TSPAN11: variants seen among roughly 807,000 people sequenced by gnomAD.
The protein encoded by TSPAN11 is tetraspanin 11, also known as tetraspanin-11.
TSPAN11 carries 29 observed loss-of-function variants against 32.9 expected under a neutral mutation model. That is an observed-to-expected ratio of 0.88 (90% CI 0.66 to 1.20). The LOEUF (loss-of-function observed/expected upper bound fraction) is 1.20, where lower values mean the gene tolerates loss of function less well. Ranked by LOEUF, TSPAN11 falls within the 50% of genes most tolerant of loss-of-function variation. The pLI, the probability that TSPAN11 is intolerant of heterozygous loss-of-function variation, is 0.00. For synonymous variants in TSPAN11, 140 were observed against 141.3 expected (o/e 0.99, Z 0.07); for missense variants, 283 against 329.1 (o/e 0.86, Z 1.08).
chr12:30,927,516 G>A (rs73093651), intron 1 of TSPAN11, among the ~76,000 whole-genome samples: 1 of 152,120 alleles, frequency 6.6e-6, no homozygotes, highest in Non-Finnish European at 1.5e-5. Flanking sequence ...TTGAGTCTAA[G>A]CTGCTGTGTG....
chr12:30,974,095 C>T (rs569230664), intron 3 of TSPAN11, among the ~76,000 whole-genome samples: 7 of 152,350 alleles, frequency 4.6e-5, no homozygotes, highest in African/African-American at 1.7e-4. Context: ...AGCCTTCTGC[C>T]GCAGAGGTGC....
rs200462287 is a variant in TSPAN11 at position 30,991,911 on chromosome 12, A to C, written c.758A>C (p.Tyr253Ser). ...CLHQRLQRHF[Y>S] is the part of the protein sequence containing the mutation. ...CACCAGAGGCTCCAGCGGCATTTTTACTAATGGCCAACCACCTCCTCTTCC... is the reference window on the plus strand; with the variant it reads ...CACCAGAGGCTCCAGCGGCATTTTTCCTAATGGCCAACCACCTCCTCTTCC... The change falls in exon 8 of 8, where the codon TAC (tyrosine) becomes TCC (serine). Residue 253 changes from tyrosine to serine, a missense_variant. Tyr to Ser is a moderately radical substitution (Grantham distance 144). Transcript: ENST00000546076. 1.9e-6 allele frequency: 3 copies of C among 1,614,090 alleles called. No individual in the cohort carries two copies. The highest frequency in any genetic ancestry group is 1.7e-6 in the Non-Finnish European group (2 of 1,180,000).
chr12:30,963,861 G>C lies in TSPAN11; in HGVS notation c.120G>C (p.Trp40Cys). ...CAGCCGTCCTGGCTGTGGGCATCTG[G>C]ACCCTGGTGGAGAAGAGTGGCTACC... is the stretch of plus-strand genomic sequence containing the variant. ...GGAAVLAVGI[W>C]TLVEKSGYLS... is the part of the protein sequence containing the mutation. Residue 40 changes from tryptophan to cysteine, a missense_variant, in exon 3 of 8, where the codon TGG (tryptophan) becomes TGC (cysteine). Trp to Cys is a radical substitution (Grantham distance 215). Transcript: ENST00000546076. 1 of 1,611,694 alleles carries C rather than the reference G, an allele frequency of 6.2e-7. No homozygotes were observed. The highest frequency in any genetic ancestry group is 8.5e-7 in the Non-Finnish European group (1 of 1,180,020).
At chr12:30,966,770 G>C (rs1431481482) in intron 3 of TSPAN11, among the ~76,000 whole-genome samples, 1 of 152,226 alleles carries the variant, frequency 6.6e-6, no homozygotes, top group Non-Finnish European at 1.5e-5. Context: ...TAACAAGGGA[G>C]GGTCCCCTCC....
At chr12:30,935,062 T>C (rs1938014859) in intron 1 of TSPAN11, among the ~76,000 whole-genome samples, 1 of 152,122 alleles carries the variant, frequency 6.6e-6, no homozygotes, top group East Asian at 1.9e-4. Context: ...CCTCAGCCCC[T>C]GCCCCTCTCC....
the TSPAN11 span, among the ~76,000 whole-genome samples, chr12:31,010,969 C>G: frequency 6.6e-6 from 1 of 152,044 alleles, no homozygotes; most frequent in African/African-American, 2.4e-5. Context: ...TGTGAGCTGG[C>G]AAGAGGAGCT....
At chr12:30,950,051 G>T (rs536277745) in intron 1 of TSPAN11, among the ~76,000 whole-genome samples, 1 of 152,074 alleles carries the variant, frequency 6.6e-6, no homozygotes, top group South Asian at 2.1e-4. Context: ...TGCCTGATGG[G>T]ACCTCCTCTC....
At chr12:30,930,689 A>C (rs1341574283) in intron 1 of TSPAN11, among the ~76,000 whole-genome samples, 1 of 152,214 alleles carries the variant, frequency 6.6e-6, no homozygotes, top group African/African-American at 2.4e-5. Flanking sequence ...AAGGAATTTG[A>C]AAAAGGTCTT....
Position 30,975,700 on chromosome 12 carries a change from A to T in TSPAN11, c.277-2861A>T, listed in dbSNP as rs1386840670. Among the ~76,000 whole-genome samples, 1 of 151,770 alleles carries T rather than the reference A, an allele frequency of 6.6e-6. No individual in the cohort carries two copies. The highest frequency in any genetic ancestry group is 1.5e-5 in the Non-Finnish European group (1 of 67,944). On this transcript the variant is annotated intron_variant, in intron 3 of 7. Coordinates refer to ENST00000546076, the MANE Select transcript of TSPAN11 (RefSeq NM_001370302.1). This position sits in a 1 kb window ranked among gnomAD's most constrained non-coding sequence, Gnocchi z 4.5. ...AACTGGGGCAGTGGCTTCCCCCGAGAAGTGGCGTGACACTGCCAGCTATCC... is the reference window on the plus strand; with the variant it reads ...AACTGGGGCAGTGGCTTCCCCCGAGTAGTGGCGTGACACTGCCAGCTATCC...
At chr12:30,982,306 A>G (rs1939107627) in intron 5 of TSPAN11, among the ~76,000 whole-genome samples, 1 of 152,230 alleles carries the variant, frequency 6.6e-6, no homozygotes, top group Non-Finnish European at 1.5e-5. Flanking sequence ...AAAAGCTGGC[A>G]AGCAGGTATC....
intron 7 of TSPAN11, among the ~76,000 whole-genome samples, chr12:30,983,745 T>C (rs1449613510): frequency 6.6e-6 from 1 of 152,202 alleles, no homozygotes; most frequent in Admixed American, 6.5e-5. Flanking sequence ...CCCTGGGTAA[T>C]GCGATATATC....
At chr12:31,002,417 G>C in the TSPAN11 span, among the ~76,000 whole-genome samples, 1 of 152,166 alleles carries the variant, frequency 6.6e-6, no homozygotes, top group Non-Finnish European at 1.5e-5. The surrounding 1 kb of genome is among the most constrained non-coding windows in gnomAD (Gnocchi z 4.8). Flanking sequence ...CAGGACAAGG[G>C]GAATTCTCAG....
rs185157325 is a variant in TSPAN11 at position 30,986,282 on chromosome 12, T to C, written c.702+3132T>C. Among the ~76,000 whole-genome samples, 499 of 152,338 alleles carry C rather than the reference T, an allele frequency of 3.3e-3. 3 individuals carry two copies. The highest frequency in any genetic ancestry group is 0.012 in the African/African-American group (481 of 41,564). Reference sequence around the variant, plus strand: ...AGTTACAGGGCCTGATTTCTAAACATAGCCCCACCTCTTGCTGTGTTACCT... The same window carrying C: ...AGTTACAGGGCCTGATTTCTAAACACAGCCCCACCTCTTGCTGTGTTACCT... On this transcript the variant is annotated intron_variant, in intron 7 of 7. Transcript: ENST00000546076.
At position 30,954,153 on chromosome 12, in the gene TSPAN11, A is replaced by G. The variant is rs550577504; in HGVS notation, c.84+78A>G. 1.1e-4 allele frequency: 112 copies of G among 1,027,992 alleles called. No individual in the cohort carries two copies. The African/African-American group carries it at 1.6e-3, about 15-fold the overall frequency. The allele number at this position is 1,027,992 out of a possible 1,614,324, so 63.7% of individuals were successfully genotyped here. ...CCACCTTTTGTTTTTTTGTGTCACC[A>G]CTTTGAGGTTGATATCTTCCAAATC... On this transcript the variant is annotated intron_variant, in intron 2 of 7. Transcript: ENST00000546076.
At chr12:30,927,053 G>A (rs760748869) in intron 1 of TSPAN11, 2 of 1,270,332 alleles carry the variant, frequency 1.6e-6, no homozygotes, top group East Asian at 6.4e-5. Context: ...ATAACTATGC[G>A]CATGAGTCTG....
Position 30,994,357 on chromosome 12 carries a change from G to A in TSPAN11, c.*2442G>A, listed in dbSNP as rs529351240. The A allele has an allele frequency of 5.9e-5, 9 of 152,326 alleles. No homozygotes were observed. The highest frequency in any genetic ancestry group is 1.7e-4 in the African/African-American group (7 of 41,550). 9.4% of individuals were successfully genotyped at this position (152,326 alleles called of 1,614,324 possible). A position where few individuals can be genotyped will look rare whatever the true frequency, so the allele number is the denominator to read the frequency against. ...TGAGTTCCTTGGAGAGAGAGGACAC[G>A]CCTGTGGAATGTCACCTTCAGTCCC... is the stretch of plus-strand genomic sequence containing the variant. On this transcript the variant is annotated 3_prime_UTR_variant, in exon 8 of 8. Transcript: ENST00000546076.
chr12:31,015,559 C>T, the TSPAN11 span: 1 of 152,156 alleles, frequency 6.6e-6, no homozygotes, highest in African/African-American at 2.4e-5. This position sits in a 1 kb window ranked among gnomAD's most constrained non-coding sequence, Gnocchi z 4.9. Context: ...TCTTGCTTCT[C>T]CCATAGAAGC....
rs767747044 is a variant in TSPAN11 at position 30,991,906 on chromosome 12, T to A, written c.753T>A (p.His251Gln). ...TCCLHQRLQRHFY is the reference protein window; with the variant it reads ...TCCLHQRLQRQFY ...GCTTGCACCAGAGGCTCCAGCGGCA[T>A]TTTTACTAATGGCCAACCACCTCCT... Residue 251 changes from histidine (H) to glutamine (Q), a missense_variant, in exon 8 of 8, where the codon CAT (histidine) becomes CAA (glutamine). Transcript: ENST00000546076. 6.2e-7 allele frequency: 1 copy of A among 1,614,150 alleles called. No individual in the cohort carries two copies.
At chr12:30,943,704 G>A (rs1938212392) in intron 1 of TSPAN11, among the ~76,000 whole-genome samples, 1 of 152,168 alleles carries the variant, frequency 6.6e-6, no homozygotes, top group Non-Finnish European at 1.5e-5. Flanking sequence ...GATCCTTTTG[G>A]CTCCTTCCAG....
Sources: gnomAD v4.1 joint callset for allele counts (sites outside exome capture counted in the v4.1 genomes callset) on GRCh38, gnomAD v4.1.1 for gene constraint, Gnocchi (gnomAD v3.1) non-coding constraint, MANE v1.5 for transcripts, NCBI Gene and HGNC (gene_info 2026-07-23, HGNC 2026-07-21) for gene names.